The following IQCB1 variants were observed in gnomAD, a reference collection of about 807,000 sequenced individuals.
IQCB1 encodes the protein IQ calmodulin-binding motif-containing protein 1.
IQCB1 carries 56 observed loss-of-function variants against 84.4 expected under a neutral mutation model. The observed-to-expected ratio is 0.66, with a 90% CI of 0.54 to 0.83. The LOEUF (loss-of-function observed/expected upper bound fraction) is 0.83, where lower values mean the gene tolerates loss of function less well. IQCB1 is among the 40% of genes least tolerant of loss of function. The probability of loss-of-function intolerance (pLI) is 0.00; values close to 1 mark genes in which losing one functional copy is unlikely to be tolerated. For missense variants in IQCB1, 629 were observed against 682.1 expected (o/e 0.92, Z 0.87); for synonymous variants, 210 against 234.8 (o/e 0.89, Z 0.96).
At chr3:121,828,716 T>C in intron 3 of IQCB1, 84 bp from the exon 4 acceptor site, 1 of 1,084,064 alleles carries the variant, frequency 9.2e-7, no homozygotes, top group Non-Finnish European at 1.4e-6. Context: ...GAATAATCAC[T>C]AAAAATATAT....
rs1478829283 is a variant in IQCB1, at chr3:121,770,314, T to G, written c.*31A>C. ...AGAACCAATATAATCTCCTAAAATA[T>G]GAGATTTGTGTCAATTCTTAGGGTT... On this transcript the variant is annotated 3_prime_UTR_variant, in exon 15 of 15. Coordinates refer to ENST00000310864, the MANE Select transcript of IQCB1 (RefSeq NM_001023570.4). 1,286 of 1,393,376 alleles carry G rather than the reference T, an allele frequency of 9.2e-4. No homozygotes were observed. The highest frequency in any genetic ancestry group is 1.2e-3 in the Non-Finnish European group (1,182 of 980,322). 86.3% of individuals were successfully genotyped at this position (1,393,376 alleles called of 1,614,324 possible).
chr3:121,820,317 G>C (rs1950228750), intron 5 of IQCB1, among the ~76,000 whole-genome samples: 1 of 152,128 alleles, frequency 6.6e-6, no homozygotes, highest in African/African-American at 2.4e-5. Flanking sequence ...ATTAAAAATG[G>C]CCTCAACTTC....
rs1432352278 is a variant in IQCB1, at chr3:121,772,681, C to T, written c.1443G>A (p.Glu481=). 2 of 1,614,082 alleles carry T rather than the reference C, an allele frequency of 1.2e-6. No homozygotes were observed. Among genetic ancestry groups the T allele is most frequent in the Non-Finnish European group, 8.5e-7 (1 of 1,180,050 alleles). The change falls in exon 14 of 15, where the codon GAG becomes GAA. Residue 481 remains glutamate (E), a synonymous_variant. Transcript: ENST00000310864. ...GTCGTTCTTGAGCTTGGGCATGGAG[C>T]TCCCTACTGACCACATCTGACATTG... ...GSPMSDVVSR[E]LHAQAQERLQ...
At chr3:121,824,763 C>T (rs1039187185) in intron 5 of IQCB1, among the ~76,000 whole-genome samples, 9 of 151,906 alleles carry the variant, frequency 5.9e-5, no homozygotes, top group African/African-American at 2.2e-4. Flanking sequence ...TAGACAAATC[C>T]GCAACCATAG....
intron 12 of IQCB1, among the ~76,000 whole-genome samples, chr3:121,787,247 T>G (rs959713374): frequency 1.4e-5 from 2 of 143,130 alleles, no homozygotes; most frequent in African/African-American, 5.3e-5. Context: ...TCTGTCACAG[T>G]AGAAAACTGA....
intron 13 of IQCB1, among the ~76,000 whole-genome samples, chr3:121,777,567 G>T (rs541627196): frequency 2.6e-5 from 4 of 152,162 alleles, no homozygotes; most frequent in Non-Finnish European, 5.9e-5. Flanking sequence ...ACACATGGCT[G>T]TAATTACCAT....
chr3:121,814,389 C>T (rs1256728388), intron 5 of IQCB1, among the ~76,000 whole-genome samples: 1 of 152,028 alleles, frequency 6.6e-6, no homozygotes, highest in Non-Finnish European at 1.5e-5. Context: ...AATTCAAAAG[C>T]TAGCAGAAGA....
At chr3:121,799,426 A>G (rs1437759841) in intron 7 of IQCB1, 52 bp from the exon 8 acceptor site, 1 of 1,045,500 alleles carries the variant, frequency 9.6e-7, no homozygotes, top group African/African-American at 1.6e-5. Flanking sequence ...ATGTACAGGT[A>G]TCACAACAAA....
intron 5 of IQCB1, 113 bp downstream of exon 5, chr3:121,825,938 A>T: frequency 9.7e-7 from 1 of 1,029,978 alleles, no homozygotes. Flanking sequence ...GAAAATGTTT[A>T]AATTCACTAC....
intron 5 of IQCB1, among the ~76,000 whole-genome samples, chr3:121,820,865 C>T (rs897177771): frequency 1.3e-5 from 2 of 151,218 alleles, no homozygotes; most frequent in Admixed American, 1.3e-4. Context: ...TAGCTTACTA[C>T]AATAATTTAA....
chr3:121,826,618 C>T (rs1950474295), intron 4 of IQCB1, among the ~76,000 whole-genome samples: 1 of 152,170 alleles, frequency 6.6e-6, no homozygotes, highest in Non-Finnish European at 1.5e-5. Flanking sequence ...GGAAACCAAA[C>T]ACTAATTTCA....
chr3:121,808,823 G>A lies in IQCB1; in HGVS notation c.487+93C>T, dbSNP rs1949709004. ...TCATTTCAGTGTGGTTATCTGCACA[G>A]TTCATGTGGCATTTGTTTTTGGAAA... On this transcript the variant is annotated intron_variant, in intron 6 of 14. Coordinates refer to ENST00000310864, the MANE Select transcript of IQCB1 (RefSeq NM_001023570.4). 30 of 770,894 alleles carry A rather than the reference G, an allele frequency of 3.9e-5. No individual in the cohort carries two copies. In the South Asian group the frequency reaches 4.2e-4, roughly 11 times the overall value. 47.8% of individuals were successfully genotyped at this position (770,894 alleles called of 1,614,324 possible). A position where few individuals can be genotyped will look rare whatever the true frequency, so the allele number is the denominator to read the frequency against.
chr3:121,821,762 T>C (rs2222826), intron 5 of IQCB1, among the ~76,000 whole-genome samples: 15,643 of 152,238 alleles, frequency 0.1, 853 homozygotes, highest in South Asian at 0.15. Flanking sequence ...TTGAAGGTTT[T>C]AGATAGCAAG....
chr3:121,827,373 G>A (rs1950498352), intron 4 of IQCB1, among the ~76,000 whole-genome samples: 1 of 151,992 alleles, frequency 6.6e-6, no homozygotes, highest in Admixed American at 6.6e-5. Context: ...ATGCTCACAT[G>A]TATCAGCTTT....
Position 121,808,944 on chromosome 3 carries a change from C to A in IQCB1, c.459G>T (p.Leu153Phe), listed in dbSNP as rs754584048. Residue 153 changes from leucine (L) to phenylalanine (F), a missense_variant, in exon 6 of 15, where the codon TTG becomes TTT. Physicochemically the swap from Leu to Phe is conservative, Grantham distance 22. Transcript: ENST00000310864. The stretch of plus-strand genomic sequence containing the variant: ...TCTGAATAAGTTCAACATGGCCTCC[C>A]AAAAGCCAGAAGAGAGAATCAGTCA... ...QIVTDSLFWLLGGHVELIQNV... is the reference protein window; with the variant it reads ...QIVTDSLFWLFGGHVELIQNV... 7 of 1,609,874 alleles carry A rather than the reference C, an allele frequency of 4.3e-6. No homozygotes were observed. The East Asian group carries it at 1.6e-4, about 36-fold the overall frequency.
In IQCB1 at chr3:121,809,075, A is replaced by G; in HGVS notation, c.394-66T>C. On this transcript the variant is annotated intron_variant, in intron 5 of 14. Transcript: ENST00000310864. ...TTTTTCCTTTTTTTTTTTTTTAAGGAGACTTCTCTCTGGGGAGTTAGAGGA... is the reference window on the plus strand; with the variant it reads ...TTTTTCCTTTTTTTTTTTTTTAAGGGGACTTCTCTCTGGGGAGTTAGAGGA... 3 of 855,216 alleles carry G rather than the reference A, an allele frequency of 3.5e-6. No individual in the cohort carries two copies. In the Admixed American group the frequency reaches 7.1e-5, roughly 20 times the overall value. The allele number at this position is 855,216 out of a possible 1,614,324, so 53.0% of individuals were successfully genotyped here. A position where few individuals can be genotyped will look rare whatever the true frequency, so the allele number is the denominator to read the frequency against.
In IQCB1 at chr3:121,826,092, A is replaced by G. The variant is rs754250009; in HGVS notation, c.352T>C (p.Leu118=). ...AAACATGTTTGTAATTGTCTCCCCA[A>G]AACTAGAAAATTTTCTGCAGCTGAT... ...LPSAAENFLV[L]GRQLQTCFIN... Residue 118 remains leucine, a synonymous_variant, in exon 5 of 15, where the codon TTG becomes CTG. Coordinates refer to ENST00000310864, the MANE Select transcript of IQCB1 (RefSeq NM_001023570.4). The G allele has an allele frequency of 5.6e-6, 9 of 1,613,450 alleles. No individual in the cohort carries two copies. The highest frequency in any genetic ancestry group is 5.5e-5 in the South Asian group (5 of 91,070).
intron 13 of IQCB1, among the ~76,000 whole-genome samples, chr3:121,775,676 T>G (rs534954072): frequency 6.6e-6 from 1 of 152,322 alleles, no homozygotes; most frequent in South Asian, 2.1e-4. Flanking sequence ...GCCAGGCTGA[T>G]TATTTTTAAA....
chr3:121,781,313 A>C (rs1191657007), intron 13 of IQCB1, among the ~76,000 whole-genome samples: 1 of 152,144 alleles, frequency 6.6e-6, no homozygotes, highest in African/African-American at 2.4e-5. Flanking sequence ...TTGTGGTAAG[A>C]TCATAAGAGG....
Sources: gnomAD v4.1 joint callset for allele counts (sites outside exome capture counted in the v4.1 genomes callset) on GRCh38, gnomAD v4.1.1 for gene constraint, MANE v1.5 for transcripts, NCBI Gene and HGNC (gene_info 2026-07-23, HGNC 2026-07-21) for gene names.